Variants in ZNF804A observed in about 807,000 individuals in gnomAD.
The protein encoded by ZNF804A is zinc finger protein 804A.
In ZNF804A, 2 loss-of-function variants were observed where a neutral mutation model predicts 16.5. The ratio of observed to expected loss-of-function variants is 0.12; its 90% CI spans 0.05 to 0.38. The LOEUF is 0.38. Among genes scored for constraint, ZNF804A ranks in the 10% least tolerant of loss-of-function variants. ZNF804A has a pLI of 0.99. For missense variants in ZNF804A, 1,473 were observed against 1,390.7 expected (o/e 1.06, Z -0.94); for synonymous variants, 534 against 489.6 (o/e 1.09, Z -1.20).
intron 1 of ZNF804A, among the ~76,000 whole-genome samples, chr2:184,770,022 T>C (rs187763091): frequency 2.0e-5 from 3 of 152,232 alleles, no homozygotes; most frequent in Admixed American, 1.3e-4. Context: ...AAGATTGTCA[T>C]ATTTTAACTA....
Position 184,647,471 on chromosome 2 carries a change from A to G in ZNF804A, c.111+48401A>G, listed in dbSNP as rs533993977. Among the ~76,000 whole-genome samples, 282 of 152,340 alleles carry G rather than the reference A, an allele frequency of 1.9e-3. 1 individual carries two copies. The highest frequency in any genetic ancestry group is 3.2e-3 in the Non-Finnish European group (220 of 68,024). On this transcript the variant is annotated intron_variant, in intron 1 of 3. Coordinates refer to ENST00000302277, the MANE Select transcript of ZNF804A (RefSeq NM_194250.2). ...AAGGAAGCTCAACAGGATCCAATAC[A>G]TGGTTGAAAATCAACACAAATCAAT...
At chr2:184,898,516 C>G (rs1685125852) in intron 2 of ZNF804A, among the ~76,000 whole-genome samples, 1 of 151,994 alleles carries the variant, frequency 6.6e-6, no homozygotes, top group Non-Finnish European at 1.5e-5. Flanking sequence ...CGTGATAAAG[C>G]ATTCCTGAAT....
intron 1 of ZNF804A, among the ~76,000 whole-genome samples, chr2:184,645,999 A>G (rs1008287673): frequency 6.6e-6 from 1 of 152,110 alleles, no homozygotes; most frequent in African/African-American, 2.4e-5. Context: ...CCTGGAGTGA[A>G]CTTGTGAGAA....
At chr2:184,678,630 A>G (rs552624081) in intron 1 of ZNF804A, among the ~76,000 whole-genome samples, 1 of 152,170 alleles carries the variant, frequency 6.6e-6, no homozygotes, top group Non-Finnish European at 1.5e-5. Context: ...AAGCATTTGC[A>G]TTGCTTTTCT....
intron 1 of ZNF804A, among the ~76,000 whole-genome samples, chr2:184,806,371 G>A (rs1009165454): frequency 2.7e-4 from 41 of 151,652 alleles, no homozygotes; most frequent in Non-Finnish European, 5.3e-4. Flanking sequence ...TACAATTTTA[G>A]TCAAATAAAT....
At chr2:184,722,678 T>TAAA (rs1693337233) in intron 1 of ZNF804A, among the ~76,000 whole-genome samples, 2 of 151,960 alleles carry the variant, frequency 1.3e-5, no homozygotes, top group Admixed American at 6.6e-5. Context: ...AGTTATAACT[T>TAAA]ATGGTTTGTA....
chr2:184,766,134 G>A (rs973971473), intron 1 of ZNF804A, among the ~76,000 whole-genome samples: 4 of 152,104 alleles, frequency 2.6e-5, no homozygotes, highest in East Asian at 1.9e-4. Flanking sequence ...GCATGTAAAC[G>A]TGCCTATTAC....
At chr2:184,866,277 C>A in intron 1 of ZNF804A, 92 bp from the exon 2 acceptor site, 2 of 1,167,612 alleles carry the variant, frequency 1.7e-6, no homozygotes, top group South Asian at 1.5e-5. Flanking sequence ...CTGTTTCTAA[C>A]TCTAATTATT....
chr2:184,701,210 C>T (rs1692914223), intron 1 of ZNF804A, among the ~76,000 whole-genome samples: 1 of 151,954 alleles, frequency 6.6e-6, no homozygotes, highest in South Asian at 2.1e-4. Context: ...CTTCTAAAAT[C>T]ACTAGTTTTA....
chr2:184,643,642 T>C (rs1325659860), intron 1 of ZNF804A, among the ~76,000 whole-genome samples: 2 of 151,818 alleles, frequency 1.3e-5, no homozygotes, highest in East Asian at 1.9e-4. Context: ...AATCATAATG[T>C]TACATATTGA....
At chr2:184,621,890 T>G (rs566280858) in intron 1 of ZNF804A, among the ~76,000 whole-genome samples, 1 of 151,784 alleles carries the variant, frequency 6.6e-6, no homozygotes, top group Non-Finnish European at 1.5e-5. Context: ...AGAAAAGAAT[T>G]GACTGCAATC....
At chr2:184,900,980 T>G (rs1685171719) in intron 2 of ZNF804A, among the ~76,000 whole-genome samples, 1 of 152,186 alleles carries the variant, frequency 6.6e-6, no homozygotes, top group South Asian at 2.1e-4. Context: ...ATGCTGTTCT[T>G]GTAGAGATTA....
At chr2:184,809,181 A>C (rs1198510655) in intron 1 of ZNF804A, among the ~76,000 whole-genome samples, 1 of 151,924 alleles carries the variant, frequency 6.6e-6, no homozygotes, top group Non-Finnish European at 1.5e-5. Context: ...AAAACACAAT[A>C]TAGGGTATTA....
At chr2:184,821,806 A>G (rs1237274117) in intron 1 of ZNF804A, among the ~76,000 whole-genome samples, 1 of 152,116 alleles carries the variant, frequency 6.6e-6, no homozygotes, top group African/African-American at 2.4e-5. Context: ...AACAAACATG[A>G]AAAAAAGCAC....
intron 2 of ZNF804A, among the ~76,000 whole-genome samples, chr2:184,924,504 C>A (rs776177095): frequency 4.0e-5 from 6 of 151,102 alleles, no homozygotes; most frequent in Non-Finnish European, 5.9e-5. Flanking sequence ...TTTAAAAAAA[C>A]CTTCTTTTTA....
At chr2:184,823,101 G>T (rs1695107204) in intron 1 of ZNF804A, among the ~76,000 whole-genome samples, 1 of 152,068 alleles carries the variant, frequency 6.6e-6, no homozygotes, top group Non-Finnish European at 1.5e-5. Flanking sequence ...GGAAGTCCAA[G>T]ATCAAACTCT....
At chr2:184,698,934 ATACTTG>A (rs1440019511) in intron 1 of ZNF804A, among the ~76,000 whole-genome samples, 1 of 152,062 alleles carries the variant, frequency 6.6e-6, no homozygotes, top group Middle Eastern at 3.2e-3. Flanking sequence ...TCACATGCAT[ATACTTG>A]TACCAATCAA....
intron 1 of ZNF804A, among the ~76,000 whole-genome samples, chr2:184,824,504 G>A (rs1256592675): frequency 6.6e-6 from 1 of 151,706 alleles, no homozygotes; most frequent in Non-Finnish European, 1.5e-5. Flanking sequence ...GGACATTTTA[G>A]TGTGCTATGA....
intron 1 of ZNF804A, among the ~76,000 whole-genome samples, chr2:184,846,628 G>T (rs1452327591): frequency 1.3e-5 from 2 of 152,068 alleles, no homozygotes; most frequent in African/African-American, 4.8e-5. Flanking sequence ...CCCTGATTAT[G>T]CACAGAGAGA....
Sources: allele counts gnomAD v4.1 joint callset (sites outside exome capture counted in the v4.1 genomes callset), GRCh38; gene constraint gnomAD v4.1.1; transcripts MANE v1.5; gene names NCBI Gene and HGNC (gene_info 2026-07-23, HGNC 2026-07-21).